The following BROX variants were observed in gnomAD, a reference collection of about 807,000 sequenced individuals.
BROX encodes BRO1 domain and CAAX motif containing, also known as BRO1 domain-containing protein BROX.
Under a neutral mutation model 61.0 loss-of-function variants are expected in BROX, and 53 were observed. That is an observed-to-expected ratio of 0.87 (90% CI 0.70 to 1.09). The LOEUF (loss-of-function observed/expected upper bound fraction) is 1.09. Ranked by LOEUF, BROX falls within the 50% of genes least tolerant of loss-of-function variation. The probability of loss-of-function intolerance (pLI) is 0.00; values close to 1 mark genes in which losing one functional copy is unlikely to be tolerated. For synonymous variants in BROX, 152 were observed against 160.2 expected (o/e 0.95, Z 0.38); for missense variants, 489 against 472.0 (o/e 1.04, Z -0.33).
intron 4 of BROX, among the ~76,000 whole-genome samples, chr1:222,719,887 T>C (rs1260106385): frequency 6.6e-6 from 1 of 152,244 alleles, no homozygotes; most frequent in Non-Finnish European, 1.5e-5. Flanking sequence ...CTATTTGTAA[T>C]AGATCTAATT....
At chr1:222,713,568 GTTC>G (rs1355172053) in intron 1 of BROX, 1 of 478,742 alleles carries the variant, frequency 2.1e-6, no homozygotes, top group Non-Finnish European at 2.7e-6. Context: ...TGGGTGTGTC[GTTC>G]TTCTATCCCA....
chr1:222,718,757 G>T lies in BROX; in HGVS notation c.102-168G>T, dbSNP rs12033029. Among the ~76,000 whole-genome samples the T allele has an allele frequency of 2.0e-5, 3 of 152,232 alleles. No individual in the cohort carries two copies. In the East Asian group the frequency reaches 5.8e-4, roughly 29 times the overall value. On this transcript the variant is annotated intron_variant, in intron 2 of 12. Coordinates refer to ENST00000340934, the MANE Select transcript of BROX (RefSeq NM_144695.4). ...ATTCATTTGTTAATCCCTTAGAGGA[G>T]GTAGGCATGTGCATGCGTGTGTGTG...
Position 222,712,648 on chromosome 1 carries a change from A to G in BROX, c.-311A>G. Reference sequence around the variant, plus strand: ...CAACTCTTCTCTTCCTGTCTGGGAAAAAGACCATAGCTCAAAAGGAAGGCC... The same window carrying G: ...CAACTCTTCTCTTCCTGTCTGGGAAGAAGACCATAGCTCAAAAGGAAGGCC... On this transcript the variant is annotated 5_prime_UTR_variant, in exon 1 of 13. Transcript: ENST00000340934. 1 of 1,314,362 alleles carries G rather than the reference A, an allele frequency of 7.6e-7. No individual in the cohort carries two copies. Among genetic ancestry groups the G allele is most frequent in the South Asian group, 1.3e-5 (1 of 79,454 alleles). The allele number at this position is 1,314,362 out of a possible 1,614,324, so 81.4% of individuals were successfully genotyped here.
intron 1 of BROX, chr1:222,713,244 C>A (rs949131349): frequency 6.1e-6 from 6 of 986,184 alleles, no homozygotes; most frequent in African/African-American, 1.7e-5. Flanking sequence ...GCCACCTCTC[C>A]CGGGTTGACA....
chr1:222,724,078 C>T lies in BROX; in HGVS notation c.402-14C>T. The T allele has an allele frequency of 1.3e-6, 2 of 1,584,678 alleles. No homozygotes were observed. The highest frequency in any genetic ancestry group is 1.7e-6 in the Non-Finnish European group (2 of 1,160,040). On this transcript the variant is annotated splice_polypyrimidine_tract_variant and intron_variant, in intron 5 of 12. Coordinates refer to ENST00000340934, the MANE Select transcript of BROX (RefSeq NM_144695.4). ...GGAATTCATCCTCTAACTAATGTAA[C>T]CCCTATCTTTAAGTATAACAGAAGA...
intron 9 of BROX, 88 bp from the exon 10 acceptor site, chr1:222,729,532 G>A: frequency 1.1e-6 from 1 of 934,848 alleles, no homozygotes; most frequent in South Asian, 1.5e-5. Flanking sequence ...GTGTATGAAG[G>A]TACTAATTTA....
chr1:222,719,426 C>T, intron 4 of BROX, 67 bp downstream of exon 4: 1 of 1,088,594 alleles, frequency 9.2e-7, no homozygotes, highest in Non-Finnish European at 1.4e-6. Context: ...GTGGTTAACT[C>T]ATAGCCTTTG....
chr1:222,713,290 A>G (rs541123867), intron 1 of BROX: 2 of 985,866 alleles, frequency 2.0e-6, no homozygotes, highest in South Asian at 4.6e-5. Flanking sequence ...GTTTGGAAAG[A>G]GGGGAACTCA....
rs1443425414 is a variant in BROX, at chr1:222,732,665, A to G, written c.1187A>G (p.Lys396Arg). ...CCAGAAGAAGAAGTGAAACCTGTGAAAGAACCAGACATCAAACCTCAAAAG... is the reference window on the plus strand; with the variant it reads ...CCAGAAGAAGAAGTGAAACCTGTGAGAGAACCAGACATCAAACCTCAAAAG... The part of the protein sequence containing the change: ...PKPEEEVKPV[K>R]EPDIKPQKDT... The change falls in exon 13 of 13, where the codon AAA (lysine) becomes AGA (arginine). Residue 396 changes from lysine to arginine, a missense_variant. By Grantham distance (26) the Lys-to-Arg change is conservative (BLOSUM62 2). Transcript: ENST00000340934. 6.2e-7 allele frequency: 1 copy of G among 1,613,814 alleles called. No individual in the cohort carries two copies. The highest frequency in any genetic ancestry group is 1.7e-5 in the Admixed American group (1 of 60,004).
chr1:222,730,872 A>G (rs1657883578), intron 11 of BROX, among the ~76,000 whole-genome samples: 1 of 152,072 alleles, frequency 6.6e-6, no homozygotes, highest in Non-Finnish European at 1.5e-5. Context: ...TCAGCTACCT[A>G]TAAAGAAGGA....
chr1:222,718,817 G>C, intron 2 of BROX, 108 bp from the exon 3 acceptor site: 1 of 814,458 alleles, frequency 1.2e-6, no homozygotes, highest in Non-Finnish European at 2.1e-6. Flanking sequence ...TGGTGCGTGT[G>C]TGTATGTGTG....
Position 222,732,630 on chromosome 1 carries a change from T to C in BROX, c.1152T>C (p.Thr384=). ...AACTGTGGTTTTTTTCTCCCTAGAC[T>C]AAACCCAAACCAGAAGAAGAAGTGA... ...DLTKRPKDDS[T]KPKPEEEVKP... Residue 384 remains threonine (T), a splice_region_variant and synonymous_variant, in exon 13 of 13, where the codon ACT becomes ACC. Transcript: ENST00000340934. The C allele has an allele frequency of 6.2e-7, 1 of 1,612,916 alleles. No homozygotes were observed. Among genetic ancestry groups the C allele is most frequent in the Non-Finnish European group, 8.5e-7 (1 of 1,179,284 alleles).
chr1:222,716,283 GAGACGGGTTT>G (rs1489787581), intron 2 of BROX, among the ~76,000 whole-genome samples: 2 of 152,198 alleles, frequency 1.3e-5, no homozygotes, highest in Non-Finnish European at 2.9e-5. Context: ...ATTTTTAGTA[GAGACGGGTTT>G]TCACCATGTT....
chr1:222,721,957 AGATT>A (rs1657128395), intron 4 of BROX, among the ~76,000 whole-genome samples: 1 of 152,152 alleles, frequency 6.6e-6, no homozygotes. Flanking sequence ...GGGACAGTTC[AGATT>A]TTATATATAC....
At chr1:222,716,138 G>A (rs566504861) in intron 2 of BROX, among the ~76,000 whole-genome samples, 11 of 151,626 alleles carry the variant, frequency 7.3e-5, no homozygotes, top group Admixed American at 3.9e-4. Flanking sequence ...CACTCTTGTC[G>A]CCCAGGCTGG....
chr1:222,712,637 C>T lies in BROX; in HGVS notation c.-322C>T. 7.6e-7 allele frequency: 1 copy of T among 1,323,862 alleles called. No individual in the cohort carries two copies. The highest frequency in any genetic ancestry group is 1.3e-5 in the South Asian group (1 of 78,004). 82.0% of individuals were successfully genotyped at this position (1,323,862 alleles called of 1,614,324 possible). ...GGAGGTAGGGGCAACTCTTCTCTTC[C>T]TGTCTGGGAAAAAGACCATAGCTCA... On this transcript the variant is annotated 5_prime_UTR_variant, in exon 1 of 13. Transcript: ENST00000340934.
chr1:222,717,553 G>T (rs946312522), intron 2 of BROX, among the ~76,000 whole-genome samples: 3 of 152,168 alleles, frequency 2.0e-5, no homozygotes, highest in African/African-American at 7.2e-5. Context: ...TTTCTGCCTA[G>T]TCCAGGAATT....
rs1558239811 is a variant in BROX, at chr1:222,732,868, A to G, written c.*154A>G. The G allele has an allele frequency of 3.3e-6, 2 of 608,978 alleles. No homozygotes were observed. Among genetic ancestry groups the G allele is most frequent in the African/African-American group, 3.8e-5 (2 of 52,658 alleles). The allele number at this position is 608,978 out of a possible 1,614,324, so 37.7% of individuals were successfully genotyped here. ...TCAGCTTACTTGTTCTTAATTTTTA[A>G]TACAGCGGAGATGTTTCTTGCTTTG... On this transcript the variant is annotated 3_prime_UTR_variant, in exon 13 of 13. Coordinates refer to ENST00000340934, the MANE Select transcript of BROX (RefSeq NM_144695.4).
chr1:222,717,333 C>T (rs143590925), intron 2 of BROX, among the ~76,000 whole-genome samples: 1 of 152,262 alleles, frequency 6.6e-6, no homozygotes, highest in South Asian at 2.1e-4. Context: ...TTATCTATAC[C>T]ATTGGGCAAG....
Sources: gnomAD v4.1 joint callset for allele counts (sites outside exome capture counted in the v4.1 genomes callset) on GRCh38, gnomAD v4.1.1 for gene constraint, MANE v1.5 for transcripts, NCBI Gene and HGNC (gene_info 2026-07-23, HGNC 2026-07-21) for gene names.